The following IQSEC3 variants were observed in gnomAD, a reference collection of about 807,000 sequenced individuals.
IQSEC3 encodes the protein IQ motif and SEC7 domain-containing protein 3.
In IQSEC3, 50 loss-of-function variants were observed where a neutral mutation model predicts 105.4. The ratio of observed to expected loss-of-function variants is 0.47; its 90% CI spans 0.38 to 0.60. The LOEUF (loss-of-function observed/expected upper bound fraction) is 0.60. Ranked by LOEUF, IQSEC3 falls within the 20% of genes least tolerant of loss-of-function variation. The pLI is 0.00. For missense variants in IQSEC3, 1,415 were observed against 1,630.0 expected, an observed-to-expected ratio of 0.87 and a Z score of 2.27; for synonymous variants, 708 against 746.0, an observed-to-expected ratio of 0.95 and a Z score of 0.83.
intron 1 of IQSEC3, among the ~76,000 whole-genome samples, chr12:87,139 T>C (rs1213967634): frequency 6.6e-6 from 1 of 152,116 alleles, no homozygotes; most frequent in Non-Finnish European, 1.5e-5. Flanking sequence ...GCAGAGCTTA[T>C]TGGGGACAGC....
chr12:161,972 CT>C lies in IQSEC3; in HGVS notation c.2491del (p.Tyr831MetfsTer29). On this transcript the variant is annotated frameshift_variant, in exon 8 of 14. Transcript: ENST00000538872. LOFTEE classifies it high-confidence loss of function. ...DIPRELVVGI[Y>X]ERIQQKELKS... The stretch of plus-strand genomic sequence containing the variant: ...TCCCCAGGGAGCTGGTGGTAGGCAT[CT>C]ATGAGAGGATACAGCAGAAGGAGCT... 5 of 1,612,404 alleles carry C rather than the reference CT, an allele frequency of 3.1e-6. No homozygotes were observed. The highest frequency in any genetic ancestry group is 4.2e-6 in the Non-Finnish European group (5 of 1,179,184).
At chr12:107,275 C>T (rs1269759573) in intron 2 of IQSEC3, among the ~76,000 whole-genome samples, 5 of 152,204 alleles carry the variant, frequency 3.3e-5, no homozygotes, top group Non-Finnish European at 1.5e-5. Context: ...AGGCCTCCAC[C>T]CTGGAGAGGT....
chr12:144,466 C>T (rs1449702889), intron 5 of IQSEC3: 1 of 152,178 alleles, frequency 6.6e-6, no homozygotes, highest in Non-Finnish European at 1.5e-5. Flanking sequence ...CCCTTGGAGA[C>T]TAAAACAGCC....
chr12:66,980 G>A lies in IQSEC3; in HGVS notation c.98G>A (p.Arg33Gln), dbSNP rs1863111999. The A allele has an allele frequency of 6.5e-7, 1 of 1,533,168 alleles. No homozygotes were observed. The highest frequency in any genetic ancestry group is 8.7e-7 in the Non-Finnish European group (1 of 1,145,696). The allele number at this position is 1,533,168 out of a possible 1,614,324, so 95.0% of individuals were successfully genotyped here. Residue 33 changes from arginine to glutamine, a missense_variant, in exon 1 of 14, where the codon CGA becomes CAA. Arg to Gln is a conservative substitution (Grantham distance 43). Coordinates refer to ENST00000538872, the MANE Select transcript of IQSEC3 (RefSeq NM_001170738.2). ...QNQQSLIHTQ[R>Q]ERIDELERRL... ...CAGCAGAGCCTCATCCACACCCAGC[G>A]AGAGCGTATCGACGAGCTGGAGCGG... is the stretch of plus-strand genomic sequence containing the variant.
intron 5 of IQSEC3, among the ~76,000 whole-genome samples, chr12:151,517 C>T (rs1341751063): frequency 6.6e-6 from 1 of 152,200 alleles, no homozygotes; most frequent in African/African-American, 2.4e-5. Flanking sequence ...GCAGTAGCAT[C>T]CTAACTGGGC....
intron 2 of IQSEC3, among the ~76,000 whole-genome samples, chr12:124,667 G>C (rs1242558897): frequency 6.6e-6 from 1 of 152,238 alleles, no homozygotes; most frequent in Admixed American, 6.5e-5. Flanking sequence ...TCTAAGGACA[G>C]CTCCTAGTGT....
chr12:146,336 G>A (rs1866267901), intron 5 of IQSEC3, among the ~76,000 whole-genome samples: 2 of 152,210 alleles, frequency 1.3e-5, no homozygotes, highest in South Asian at 2.1e-4. Flanking sequence ...AGAGGCCCAG[G>A]CAGGGATTGT....
In IQSEC3 at chr12:161,822, C is replaced by T. The variant is rs555203160; in HGVS notation, c.2444-104C>T. On this transcript the variant is annotated intron_variant, in intron 7 of 13. Coordinates refer to ENST00000538872, the MANE Select transcript of IQSEC3 (RefSeq NM_001170738.2). ...GGCATGGCAAGAACCAAGGCCACCC[C>T]CCGGGAGCTCCAGGCTGGATGGGGG... 4 of 1,218,056 alleles carry T rather than the reference C, an allele frequency of 3.3e-6. No homozygotes were observed. In the African/African-American group the frequency reaches 6.1e-5, roughly 19 times the overall value. 75.5% of individuals were successfully genotyped at this position (1,218,056 alleles called of 1,614,324 possible).
At chr12:114,197 T>G (rs963999815) in intron 2 of IQSEC3, among the ~76,000 whole-genome samples, 1 of 152,194 alleles carries the variant, frequency 6.6e-6, no homozygotes, top group Non-Finnish European at 1.5e-5. Flanking sequence ...GAGGGAGAAC[T>G]CAAACAAGAT....
chr12:85,154 C>G (rs1863876584), intron 1 of IQSEC3, among the ~76,000 whole-genome samples: 1 of 152,214 alleles, frequency 6.6e-6, no homozygotes, highest in African/African-American at 2.4e-5. Context: ...TTGGTCAGGA[C>G]TTGCCTTCGC....
intron 11 of IQSEC3, among the ~76,000 whole-genome samples, chr12:168,395 T>C (rs1938786798): frequency 6.6e-6 from 1 of 152,016 alleles, no homozygotes; most frequent in Non-Finnish European, 1.5e-5. Flanking sequence ...GCAGGCTCTG[T>C]CCTCCCAGGC....
chr12:126,059 GT>G (rs1251275243), intron 3 of IQSEC3, 147 bp downstream of exon 3: 1 of 880,268 alleles, frequency 1.1e-6, no homozygotes, highest in Admixed American at 2.8e-5. Context: ...GAGCGACCTA[GT>G]TTGCCCTTCC....
At chr12:104,726 C>T (rs1282153714) in intron 2 of IQSEC3, among the ~76,000 whole-genome samples, 1 of 152,222 alleles carries the variant, frequency 6.6e-6, no homozygotes, top group Non-Finnish European at 1.5e-5. Flanking sequence ...CTGCCGAGGC[C>T]GCCACGCGGG....
intron 1 of IQSEC3, among the ~76,000 whole-genome samples, chr12:96,959 G>T (rs1177923294): frequency 6.6e-6 from 1 of 152,198 alleles, no homozygotes; most frequent in African/African-American, 2.4e-5. Context: ...AGCCTCACCA[G>T]CACTCATAGT....
At chr12:166,747 G>A (rs569151035) in intron 11 of IQSEC3, 4 of 152,342 alleles carry the variant, frequency 2.6e-5, no homozygotes, top group African/African-American at 9.6e-5. Context: ...AAGGCAGGGA[G>A]AGTTTTTGAG....
intron 2 of IQSEC3, among the ~76,000 whole-genome samples, chr12:124,258 G>A (rs1343305594): frequency 6.6e-6 from 1 of 151,820 alleles, no homozygotes; most frequent in Non-Finnish European, 1.5e-5. Context: ...GCGTGGTGGT[G>A]CATGCCTGTA....
intron 7 of IQSEC3, 121 bp from the exon 8 acceptor site, chr12:161,805 A>C: frequency 2.0e-6 from 2 of 989,248 alleles, no homozygotes; most frequent in Non-Finnish European, 2.9e-6. Flanking sequence ...AAGGCATGGC[A>C]AGAACCAAGG....
At chr12:75,092 C>G (rs1863466905) in intron 1 of IQSEC3, among the ~76,000 whole-genome samples, 1 of 152,278 alleles carries the variant, frequency 6.6e-6, no homozygotes, top group African/African-American at 2.4e-5. Context: ...TCAAGGTTAT[C>G]CTCCTTGTTT....
chr12:96,821 C>A (rs1864254646), intron 1 of IQSEC3, among the ~76,000 whole-genome samples: 1 of 152,172 alleles, frequency 6.6e-6, no homozygotes, highest in Admixed American at 6.5e-5. Flanking sequence ...TTTGGAATGC[C>A]CTTGGCTGAG....
Sources: allele counts gnomAD v4.1 joint callset (sites outside exome capture counted in the v4.1 genomes callset), GRCh38; gene constraint gnomAD v4.1.1; transcripts MANE v1.5; gene names NCBI Gene and HGNC (gene_info 2026-07-23, HGNC 2026-07-21).